PHC1: variants seen among roughly 807,000 people sequenced by gnomAD.
The protein encoded by PHC1 is polyhomeotic-like protein 1.
Under a neutral mutation model 104.3 loss-of-function variants are expected in PHC1, and 12 were observed. The ratio of observed to expected loss-of-function variants is 0.12; its 90% CI spans 0.07 to 0.19. The LOEUF (loss-of-function observed/expected upper bound fraction) is 0.19. Among genes scored for constraint, PHC1 ranks in the 10% least tolerant of loss-of-function variants. PHC1 has a pLI of 1.00. For missense variants in PHC1, 671 were observed against 1,200.0 expected (o/e 0.56, Z 6.51); for synonymous variants, 302 against 455.8 (o/e 0.66, Z 4.30).
intron 6 of PHC1, among the ~76,000 whole-genome samples, chr12:8,923,202 T>A (rs1436125352): frequency 6.6e-6 from 1 of 152,208 alleles, no homozygotes; most frequent in Non-Finnish European, 1.5e-5. Context: ...GTTTGGTTGC[T>A]TCTGTTTGTG....
At chr12:8,928,296 A>G (rs1209448100) in intron 6 of PHC1, among the ~76,000 whole-genome samples, 1 of 152,052 alleles carries the variant, frequency 6.6e-6, no homozygotes, top group Non-Finnish European at 1.5e-5. Flanking sequence ...AACTTTTACT[A>G]TGTTTTTTTA....
intron 6 of PHC1, among the ~76,000 whole-genome samples, chr12:8,923,503 C>A (rs1945422672): frequency 6.6e-6 from 1 of 152,160 alleles, no homozygotes; most frequent in African/African-American, 2.4e-5. Context: ...CTGGCTTCCA[C>A]ATCTGCAGAT....
chr12:8,930,290 G>A (rs757386564), intron 6 of PHC1, 145 bp from the exon 7 acceptor site: 4 of 1,211,090 alleles, frequency 3.3e-6, no homozygotes, highest in Non-Finnish European at 4.6e-6. Flanking sequence ...GAGGTAGGAA[G>A]GCCTTAAAGT....
intron 6 of PHC1, among the ~76,000 whole-genome samples, chr12:8,925,751 G>A (rs1945495757): frequency 1.3e-5 from 2 of 152,158 alleles, no homozygotes; most frequent in African/African-American, 2.4e-5. Flanking sequence ...TTTATAAAAA[G>A]CAATTGGAAG....
intron 7 of PHC1, among the ~76,000 whole-genome samples, chr12:8,932,353 C>CT (rs2137111814): frequency 6.6e-6 from 1 of 152,242 alleles, no homozygotes; most frequent in East Asian, 1.9e-4. Context: ...TCTCTGAGAT[C>CT]TTTAAGACTA....
chr12:8,927,709 CTG>C (rs1208519608), intron 6 of PHC1, among the ~76,000 whole-genome samples: 2 of 152,154 alleles, frequency 1.3e-5, no homozygotes, highest in East Asian at 3.9e-4. Context: ...ATTGGAAAAA[CTG>C]TATATTAATA....
chr12:8,919,718 G>A lies in PHC1; in HGVS notation c.115-38G>A, dbSNP rs1211106515. On this transcript the variant is annotated intron_variant, in intron 2 of 14. Transcript: ENST00000544916. The surrounding 1 kb of genome is among the most constrained non-coding windows in gnomAD (Gnocchi z 4.9). ...GATTTACATAGAATAGGAGCTAGGA[G>A]TGGTCCATTCTAAATGTTTTATCCT... is the stretch of plus-strand genomic sequence containing the variant. 45 of 1,571,714 alleles carry A rather than the reference G, an allele frequency of 2.9e-5. No homozygotes were observed. The highest frequency in any genetic ancestry group is 3.9e-5 in the Non-Finnish European group (45 of 1,148,722).
Position 8,939,406 on chromosome 12 carries a change from C to G in PHC1, c.2962C>G (p.Leu988Val). The change falls in exon 15 of 15, where the codon CTG becomes GTG. Residue 988 changes from leucine (L) to valine (V), a missense_variant. Coordinates refer to ENST00000544916, the MANE Select transcript of PHC1 (RefSeq NM_004426.3). ...EHLMSAMNIK[L>V]GPALKICAKI... ...TCTTATGAGTGCCATGAACATCAAG[C>G]TGGGCCCTGCCCTCAAGATCTGCGC... The G allele has an allele frequency of 6.2e-7, 1 of 1,606,768 alleles. No individual in the cohort carries two copies. Among genetic ancestry groups the G allele is most frequent in the Non-Finnish European group, 8.5e-7 (1 of 1,174,734 alleles).
chr12:8,934,772 T>C (rs1945787526), intron 10 of PHC1, among the ~76,000 whole-genome samples: 1 of 152,080 alleles, frequency 6.6e-6, no homozygotes, highest in Admixed American at 6.6e-5. Flanking sequence ...TTAAGGAGCT[T>C]TCCTAGGGTT....
chr12:8,916,592 T>G (rs756074487), intron 1 of PHC1, among the ~76,000 whole-genome samples: 1 of 152,058 alleles, frequency 6.6e-6, no homozygotes, highest in Non-Finnish European at 1.5e-5. Flanking sequence ...CCTGCCTCTT[T>G]GCTTGGTTCT....
At chr12:8,931,058 G>T in intron 7 of PHC1, 131 bp downstream of exon 7, 2 of 896,890 alleles carry the variant, frequency 2.2e-6, no homozygotes, top group East Asian at 2.6e-5. Flanking sequence ...ATAGTGGAAG[G>T]AATGGGAATA....
intron 6 of PHC1, among the ~76,000 whole-genome samples, chr12:8,926,028 G>A (rs1021020090): frequency 2.6e-5 from 4 of 152,154 alleles, no homozygotes; most frequent in African/African-American, 7.2e-5. Context: ...TTAGTAGATG[G>A]GGGAATTAAA....
chr12:8,930,782 A>G lies in PHC1; in HGVS notation c.960A>G (p.Thr320=), dbSNP rs1173535078. The change falls in exon 7 of 15, where the codon ACA becomes ACG. Residue 320 remains threonine, a synonymous_variant. Transcript: ENST00000544916. ...TGCAGCCCTTGCCTGCAGCCCAAAC[A>G]GTGACTGTGAGCCAGGGCAGCCAGA... The part of the protein sequence containing the change: ...GVVQPLPAAQ[T]VTVSQGSQTE... 3 of 1,461,158 alleles carry G rather than the reference A, an allele frequency of 2.1e-6. No homozygotes were observed. In the East Asian group the frequency reaches 7.0e-5, roughly 34 times the overall value. The allele number at this position is 1,461,158 out of a possible 1,614,324, so 90.5% of individuals were successfully genotyped here.
At chr12:8,934,780 G>T (rs1945787826) in intron 10 of PHC1, among the ~76,000 whole-genome samples, 1 of 152,160 alleles carries the variant, frequency 6.6e-6, no homozygotes, top group Middle Eastern at 3.4e-3. Flanking sequence ...CTTTCCTAGG[G>T]TTTGCAGAAC....
In PHC1 at chr12:8,933,898, G is replaced by T. The variant is rs1175045465; in HGVS notation, c.1927G>T (p.Ala643Ser). The change falls in exon 9 of 15, where the codon GCT becomes TCT. Residue 643 changes from alanine (A) to serine (S), a missense_variant. Physicochemically the swap from Ala to Ser is moderately conservative, Grantham distance 99. Coordinates refer to ENST00000544916, the MANE Select transcript of PHC1 (RefSeq NM_004426.3). ...CCAGACATTGGCTGTCAAACGCAAG[G>T]CTGACTCTGAGGAGGAGAGAGATGA... ...KPQTLAVKRKADSEEERDDVS... is the reference protein window; with the variant it reads ...KPQTLAVKRKSDSEEERDDVS... 63 of 1,613,236 alleles carry T rather than the reference G, an allele frequency of 3.9e-5. No individual in the cohort carries two copies. Among genetic ancestry groups the T allele is most frequent in the Non-Finnish European group, 4.7e-5 (56 of 1,179,304 alleles).
chr12:8,922,504 T>C, intron 5 of PHC1, 129 bp from the exon 6 acceptor site: 1 of 721,586 alleles, frequency 1.4e-6, no homozygotes, highest in South Asian at 1.9e-5. Context: ...CCTGGGTTGG[T>C]GTGGAAGAGG....
At chr12:8,939,263 T>C (rs1207985325) in intron 14 of PHC1, 42 bp from the exon 15 acceptor site, 2 of 1,611,632 alleles carry the variant, frequency 1.2e-6, no homozygotes, top group Non-Finnish European at 8.5e-7. Flanking sequence ...TCCCTTCTCC[T>C]ATCATCTGGC....
At chr12:8,937,771 AAGAG>A (rs1437375533) in intron 13 of PHC1, 54 bp from the exon 14 acceptor site, 15 of 1,387,226 alleles carry the variant, frequency 1.1e-5, no homozygotes, top group Admixed American at 3.5e-5. Flanking sequence ...TTTGGGAAGA[AAGAG>A]AGAGGAATAA....
rs989572599 is a variant in PHC1, at chr12:8,941,393, G to A, written c.*1934G>A. ...ACTATAGGGTACAGAATAACAACAT[G>A]AAAGCAATCAACCCTGTATAAATAA... On this transcript the variant is annotated 3_prime_UTR_variant, in exon 15 of 15. Transcript: ENST00000544916. 1 of 181,838 alleles carries A rather than the reference G, an allele frequency of 5.5e-6. No individual in the cohort carries two copies. The highest frequency in any genetic ancestry group is 1.2e-5 in the Non-Finnish European group (1 of 85,382). The allele number at this position is 181,838 out of a possible 1,614,324, so 11.3% of individuals were successfully genotyped here.
Sources: allele counts gnomAD v4.1 joint callset (sites outside exome capture counted in the v4.1 genomes callset), GRCh38; gene constraint gnomAD v4.1.1; non-coding constraint Gnocchi (gnomAD v3.1); transcripts MANE v1.5; gene names NCBI Gene and HGNC (gene_info 2026-07-23, HGNC 2026-07-21).